HRH2: variants seen among roughly 807,000 people sequenced by gnomAD.
HRH2 encodes histamine receptor H2, also known as histamine H2 receptor.
A neutral mutation model predicts 20.1 loss-of-function variants in HRH2; 4 were observed. The observed-to-expected ratio is 0.20, with a 90% CI of 0.10 to 0.45. The LOEUF (loss-of-function observed/expected upper bound fraction) is 0.45, where lower values mean the gene tolerates loss of function less well. HRH2 is among the 20% of genes least tolerant of loss of function. HRH2 has a pLI of 0.99. For missense variants in HRH2, 250 were observed against 461.6 expected, an observed-to-expected ratio of 0.54 and a Z score of 4.20; for synonymous variants, 197 against 200.7, an observed-to-expected ratio of 0.98 and a Z score of 0.16.
chr5:175,671,379 T>C (rs1581416538), intron 1 of HRH2, among the ~76,000 whole-genome samples: 1 of 152,196 alleles, frequency 6.6e-6, no homozygotes, highest in South Asian at 2.1e-4. Flanking sequence ...TAAGAGAAAG[T>C]TGTACCTTGG....
intron 1 of HRH2, among the ~76,000 whole-genome samples, chr5:175,667,595 C>T (rs1293062288): frequency 1.3e-5 from 2 of 152,154 alleles, no homozygotes; most frequent in African/African-American, 4.8e-5. Context: ...CCCCACATCC[C>T]CTGTAAGTTA....
chr5:175,688,154 G>A (rs1026392131), intron 2 of HRH2, among the ~76,000 whole-genome samples: 33 of 152,310 alleles, frequency 2.2e-4, no homozygotes, highest in African/African-American at 7.2e-4. Flanking sequence ...AAAGACACTC[G>A]CAATTGCACG....
Position 175,677,975 on chromosome 5 carries a change from C to T in HRH2, c.-525-4734C>T, listed in dbSNP as rs896613810. 1.3e-5 allele frequency among the ~76,000 whole-genome samples: 2 copies of T among 152,250 alleles called. No individual in the cohort carries two copies. Among genetic ancestry groups the T allele is most frequent in the African/African-American group, 4.8e-5 (2 of 41,466 alleles). On this transcript the variant is annotated intron_variant, in intron 1 of 2. Transcript: ENST00000636584. This position sits in a 1 kb window ranked among gnomAD's most constrained non-coding sequence, Gnocchi z 4.2. The stretch of plus-strand genomic sequence containing the variant: ...CAAACGTTCACCGTGGCTGTTCTCT[C>T]TGGAATCAGCTGGTCCCATGTTCAC...
rs377355024 is a variant in HRH2, at chr5:175,687,722, C to T, written c.1076+3413C>T. Among the ~76,000 whole-genome samples, 3 of 152,134 alleles carry T rather than the reference C, an allele frequency of 2.0e-5. No individual in the cohort carries two copies. The highest frequency in any genetic ancestry group is 4.1e-4 in the South Asian group (2 of 4,832). On this transcript the variant is annotated intron_variant, in intron 2 of 2. Transcript: ENST00000636584. This position sits in a 1 kb window ranked among gnomAD's most constrained non-coding sequence, Gnocchi z 5.2. ...TCTCCCCTGCCTCCTCTCAGATACC[C>T]CTGCTCCCAGCCGCTCCCTGTCTGC...
At chr5:175,700,022 G>A (rs1471208636) in intron 2 of HRH2, among the ~76,000 whole-genome samples, 1 of 152,204 alleles carries the variant, frequency 6.6e-6, no homozygotes, top group African/African-American at 2.4e-5. Context: ...TGTGGAGAGG[G>A]ACTGAAGAAT....
intron 1 of HRH2, among the ~76,000 whole-genome samples, chr5:175,679,579 C>T (rs912677354): frequency 1.3e-5 from 2 of 152,230 alleles, no homozygotes; most frequent in Non-Finnish European, 1.5e-5. Context: ...GCAGCAGGTG[C>T]TGTACAATCT....
intron 2 of HRH2, among the ~76,000 whole-genome samples, chr5:175,695,828 G>A (rs1267649414): frequency 3.3e-5 from 5 of 152,246 alleles, no homozygotes; most frequent in Non-Finnish European, 5.9e-5. Context: ...AGGAGTCTTC[G>A]AAGGGGCTGA....
chr5:175,663,286 A>T (rs1428781962), intron 1 of HRH2, among the ~76,000 whole-genome samples: 2 of 152,190 alleles, frequency 1.3e-5, no homozygotes, highest in African/African-American at 4.8e-5. Context: ...TTACATTCCC[A>T]CCAGCAGTGC....
rs544911737 is a variant in HRH2 at position 175,700,485 on chromosome 5, G to C, written c.1077-7294G>C. Among the ~76,000 whole-genome samples, 22 of 152,280 alleles carry C rather than the reference G, an allele frequency of 1.4e-4. No individual in the cohort carries two copies. In the East Asian group the frequency reaches 4.0e-3, roughly 28 times the overall value. On this transcript the variant is annotated intron_variant, in intron 2 of 2. Coordinates refer to ENST00000636584, the MANE Select transcript of HRH2 (RefSeq NM_001367711.1). ...ACAAGTAAGCTGACACCTAACCCAG[G>C]GACATAAGTGCCTCGGCAAAGGGGC...
At chr5:175,691,282 C>A (rs1343966364) in intron 2 of HRH2, 1 of 152,530 alleles carries the variant, frequency 6.6e-6, no homozygotes, top group Non-Finnish European at 1.5e-5. Flanking sequence ...GGAAGGAGAG[C>A]AGAGAGGAGG....
intron 2 of HRH2, among the ~76,000 whole-genome samples, chr5:175,701,117 G>C (rs996932835): frequency 4.6e-5 from 7 of 152,176 alleles, no homozygotes; most frequent in Non-Finnish European, 8.8e-5. Flanking sequence ...TTAGCCCTGT[G>C]AGGTCGTTAT....
rs777432291 is a variant in HRH2 at position 175,681,884 on chromosome 5, G to A, written c.-525-825G>A. Among the ~76,000 whole-genome samples, 10 of 152,202 alleles carry A rather than the reference G, an allele frequency of 6.6e-5. No individual in the cohort carries two copies. The highest frequency in any genetic ancestry group is 1.0e-4 in the Non-Finnish European group (7 of 68,048). ...TAAGACCAGTAAGATTTAGAGATGCGTTCGGAGCAGGGGTGGCGTGGATGA... is the reference window on the plus strand; with the variant it reads ...TAAGACCAGTAAGATTTAGAGATGCATTCGGAGCAGGGGTGGCGTGGATGA... On this transcript the variant is annotated intron_variant, in intron 1 of 2. Coordinates refer to ENST00000636584, the MANE Select transcript of HRH2 (RefSeq NM_001367711.1). This position sits in a 1 kb window ranked among gnomAD's most constrained non-coding sequence, Gnocchi z 4.3.
intron 1 of HRH2, among the ~76,000 whole-genome samples, chr5:175,678,561 G>C (rs2113507856): frequency 6.6e-6 from 1 of 152,350 alleles, no homozygotes; most frequent in African/African-American, 2.4e-5. Context: ...TTTCAGCCCG[G>C]CGGCTCCCCT....
Position 175,665,741 on chromosome 5 carries a change from T to G in HRH2, c.-526+7586T>G, listed in dbSNP as rs143278270. ...ATTGACCAGTGAATGTGATGTCAAC[T>G]GAGGCCAAGCTCTCAAAGCGATTAT... On this transcript the variant is annotated intron_variant, in intron 1 of 2. Coordinates refer to ENST00000636584, the MANE Select transcript of HRH2 (RefSeq NM_001367711.1). 6.9e-3 allele frequency among the ~76,000 whole-genome samples: 1,056 copies of G among 152,250 alleles called. 10 individuals carry two copies. The highest frequency in any genetic ancestry group is 0.024 in the African/African-American group (986 of 41,536).
Position 175,683,749 on chromosome 5 carries a change from T to C in HRH2, c.516T>C (p.Ser172=). Residue 172 remains serine (S), a synonymous_variant, in exon 2 of 3, where the codon TCT becomes TCC. Coordinates refer to ENST00000636584, the MANE Select transcript of HRH2 (RefSeq NM_001367711.1). ...CCAGCAAGGGCAATCATACCACCTC[T>C]AAGTGCAAAGTCCAGGTCAATGAAG... ...NETSKGNHTT[S]KCKVQVNEVY... is the part of the protein sequence containing the mutation. 6.2e-7 allele frequency: 1 copy of C among 1,614,166 alleles called. No homozygotes were observed. Among genetic ancestry groups the C allele is most frequent in the Admixed American group, 1.7e-5 (1 of 60,022 alleles).
chr5:175,699,659 C>T (rs1016722549), intron 2 of HRH2, among the ~76,000 whole-genome samples: 18 of 152,132 alleles, frequency 1.2e-4, no homozygotes, highest in African/African-American at 3.4e-4. Flanking sequence ...CTGCAAGCTC[C>T]GCCTCCTGGG....
At chr5:175,695,825 T>A (rs1198611575) in intron 2 of HRH2, among the ~76,000 whole-genome samples, 1 of 152,178 alleles carries the variant, frequency 6.6e-6, no homozygotes, top group Non-Finnish European at 1.5e-5. Flanking sequence ...GAGAGGAGTC[T>A]TCGAAGGGGC....
At chr5:175,668,794 G>A (rs1755410747) in intron 1 of HRH2, among the ~76,000 whole-genome samples, 1 of 152,186 alleles carries the variant, frequency 6.6e-6, no homozygotes, top group Non-Finnish European at 1.5e-5. Context: ...GACTCTTAGG[G>A]AAGGGCAGCA....
chr5:175,678,643 G>T (rs981322029), intron 1 of HRH2, among the ~76,000 whole-genome samples: 30 of 152,354 alleles, frequency 2.0e-4, no homozygotes, highest in Non-Finnish European at 2.5e-4. Flanking sequence ...CGTGACGCTC[G>T]CCCAGAAGGG....
Sources: gnomAD v4.1 joint callset for allele counts (sites outside exome capture counted in the v4.1 genomes callset) on GRCh38, gnomAD v4.1.1 for gene constraint, Gnocchi (gnomAD v3.1) non-coding constraint, MANE v1.5 for transcripts, NCBI Gene and HGNC (gene_info 2026-07-23, HGNC 2026-07-21) for gene names.